Variants in ZFP1 observed in about 807,000 individuals in gnomAD.
The protein encoded by ZFP1 is ZFP1 zinc finger protein.
Under a neutral mutation model 38.5 loss-of-function variants are expected in ZFP1, and 32 were observed. The observed-to-expected ratio is 0.83, with a 90% CI of 0.63 to 1.12. The LOEUF is 1.12. Ranked by LOEUF, ZFP1 falls within the 50% of genes most tolerant of loss-of-function variation. ZFP1 has a pLI of 0.00. For synonymous variants in ZFP1, 245 were observed against 168.8 expected (o/e 1.45, Z -3.50); for missense variants, 616 against 480.8 (o/e 1.28, Z -2.63).
At chr16:75,159,457 G>C (rs1432238438) in intron 2 of ZFP1, among the ~76,000 whole-genome samples, 1 of 147,140 alleles carries the variant, frequency 6.8e-6, no homozygotes, top group African/African-American at 2.5e-5. Context: ...CCCAGACTGG[G>C]GTACAGTGAC....
the ZFP1 span, among the ~76,000 whole-genome samples, chr16:75,121,933 A>G: frequency 4.6e-3 from 699 of 152,336 alleles, 9 homozygotes; most frequent in African/African-American, 0.016. Context: ...TTTCATACTT[A>G]TCCCTGCCAA....
the ZFP1 span, among the ~76,000 whole-genome samples, chr16:75,122,620 C>G: frequency 6.6e-6 from 1 of 152,202 alleles, no homozygotes; most frequent in Non-Finnish European, 1.5e-5. Flanking sequence ...ATAAATAAGA[C>G]ATTAATATTG....
At chr16:75,140,363 G>C in the ZFP1 span, among the ~76,000 whole-genome samples, 1 of 151,806 alleles carries the variant, frequency 6.6e-6, no homozygotes, top group African/African-American at 2.4e-5. Context: ...GAGCTCAGGA[G>C]TTCGAGACCA....
At chr16:75,143,581 C>T (rs2036909344), upstream of ZFP1, among the ~76,000 whole-genome samples, 1 of 144,906 alleles carries the variant, frequency 6.9e-6, no homozygotes, top group Admixed American at 6.9e-5. Flanking sequence ...ATTGTTATTA[C>T]ATTTAAAGTA....
chr16:75,129,992 G>A, the ZFP1 span, among the ~76,000 whole-genome samples: 1 of 151,986 alleles, frequency 6.6e-6, no homozygotes, highest in African/African-American at 2.4e-5. Context: ...TTGACTTGTG[G>A]TTTTTTTGTT....
chr16:75,128,540 T>C, the ZFP1 span, among the ~76,000 whole-genome samples: 1 of 152,334 alleles, frequency 6.6e-6, no homozygotes. Context: ...ATTCTAGTCT[T>C]GTCTAATATT....
chr16:75,127,452 C>G, the ZFP1 span, among the ~76,000 whole-genome samples: 10 of 152,250 alleles, frequency 6.6e-5, no homozygotes, highest in Admixed American at 5.2e-4. Context: ...TCCCAAGTAG[C>G]TGGGACTGCA....
intron 2 of ZFP1, among the ~76,000 whole-genome samples, chr16:75,153,296 A>G (rs2037298526): frequency 1.3e-5 from 2 of 152,196 alleles, no homozygotes; most frequent in African/African-American, 2.4e-5. Flanking sequence ...TCCTCAGTGC[A>G]AGTGCAGAAG....
chr16:75,169,679 A>T lies in ZFP1; in HGVS notation c.569A>T (p.Asp190Val), dbSNP rs746333777. Residue 190 changes from aspartate to valine, a missense_variant, in exon 4 of 4, where the codon GAC becomes GTC. Physicochemically the swap from Asp to Val is radical, Grantham distance 152 (BLOSUM62 -3). Coordinates refer to ENST00000570010, the MANE Select transcript of ZFP1 (RefSeq NM_153688.4). The part of the protein sequence containing the change: ...LVQPFICTYC[D>V]KAFSFKSLLI... ...CAACCTTTCATTTGTACTTACTGTG[A>T]CAAGGCTTTCTCCTTTAAGTCACTC... is the stretch of plus-strand genomic sequence containing the variant. 6.2e-7 allele frequency: 1 copy of T among 1,610,192 alleles called. No homozygotes were observed.
Position 75,169,378 on chromosome 16 carries a change from C to CT in ZFP1, c.270dup (p.Asn91Ter). On this transcript the variant is annotated frameshift_variant, in exon 4 of 4. Coordinates refer to ENST00000570010, the MANE Select transcript of ZFP1 (RefSeq NM_153688.4). LOFTEE classifies it high-confidence loss of function. ...AAGAGGCGATCTCTTTGGAAAAGCA[C>CT]TTAATCTGAACACAGACTTTGTTTC... is the stretch of plus-strand genomic sequence containing the variant. The CT allele has an allele frequency of 6.2e-7, 1 of 1,614,158 alleles. No individual in the cohort carries two copies. Among genetic ancestry groups the CT allele is most frequent in the Non-Finnish European group, 8.5e-7 (1 of 1,180,016 alleles).
chr16:75,153,061 A>T, intron 2 of ZFP1, 95 bp downstream of exon 2: 1 of 1,486,642 alleles, frequency 6.7e-7, no homozygotes, highest in East Asian at 2.4e-5. Flanking sequence ...TGAATAAGAC[A>T]CAAAGGAAAC....
rs970289470 is a variant in ZFP1, at chr16:75,170,830, T to A, written c.*496T>A. On this transcript the variant is annotated 3_prime_UTR_variant, in exon 4 of 4. Coordinates refer to ENST00000570010, the MANE Select transcript of ZFP1 (RefSeq NM_153688.4). Reference sequence around the variant, plus strand: ...TTTTCAGTATCTCTGCAATCCAGTATGCATTCCAAATGAAATGTGTAACAT... The same window carrying A: ...TTTTCAGTATCTCTGCAATCCAGTAAGCATTCCAAATGAAATGTGTAACAT... 1.3e-5 allele frequency: 2 copies of A among 153,086 alleles called. No homozygotes were observed. The highest frequency in any genetic ancestry group is 1.5e-5 in the Non-Finnish European group (1 of 68,630). 9.5% of individuals were successfully genotyped at this position (153,086 alleles called of 1,614,324 possible). A position where few individuals can be genotyped will look rare whatever the true frequency, so the allele number is the denominator to read the frequency against.
intron 2 of ZFP1, among the ~76,000 whole-genome samples, chr16:75,161,986 T>C (rs2037814659): frequency 1.3e-5 from 2 of 150,226 alleles, no homozygotes; most frequent in Middle Eastern, 6.8e-3. Context: ...GGTTTCCCCA[T>C]GTTGGCCAGG....
chr16:75,123,965 G>A, the ZFP1 span, among the ~76,000 whole-genome samples: 513 of 151,450 alleles, frequency 3.4e-3, 2 homozygotes, highest in African/African-American at 0.012. Context: ...CTGATAGCAC[G>A]CACCTGTAGT....
At chr16:75,145,791 C>T (rs2145479545), upstream of ZFP1, among the ~76,000 whole-genome samples, 1 of 152,294 alleles carries the variant, frequency 6.6e-6, no homozygotes, top group South Asian at 2.1e-4. Context: ...AAAACCTCTG[C>T]ATTTACCATT....
intron 3 of ZFP1, among the ~76,000 whole-genome samples, chr16:75,167,923 C>G (rs944785109): frequency 1.3e-5 from 2 of 152,098 alleles, no homozygotes; most frequent in Admixed American, 6.5e-5. Context: ...GTGAAAACCC[C>G]TCTCTACTAA....
chr16:75,163,993 G>C (rs968986120), intron 2 of ZFP1, among the ~76,000 whole-genome samples: 3 of 152,216 alleles, frequency 2.0e-5, no homozygotes, highest in Non-Finnish European at 4.4e-5. Flanking sequence ...AGTATGTTTT[G>C]TGTGGGGTAT....
the ZFP1 span, among the ~76,000 whole-genome samples, chr16:75,125,550 C>G: frequency 6.6e-6 from 1 of 152,116 alleles, no homozygotes; most frequent in Non-Finnish European, 1.5e-5. Context: ...TCTTGAACAC[C>G]TGACCTCAAG....
intron 2 of ZFP1, among the ~76,000 whole-genome samples, chr16:75,162,133 C>T (rs2037820927): frequency 6.6e-6 from 1 of 151,662 alleles, no homozygotes; most frequent in Non-Finnish European, 1.5e-5. Flanking sequence ...CAGTATGGTG[C>T]AGCTTTTGAG....
Sources: gnomAD v4.1 joint callset for allele counts (sites outside exome capture counted in the v4.1 genomes callset) on GRCh38, gnomAD v4.1.1 for gene constraint, MANE v1.5 for transcripts, NCBI Gene and HGNC (gene_info 2026-07-23, HGNC 2026-07-21) for gene names.